Variants in CD180 observed in about 807,000 individuals in gnomAD.
CD180 encodes the protein CD180 molecule, also known as CD180 antigen.
CD180 carries 11 observed loss-of-function variants against 10.7 expected under a neutral mutation model. The ratio of observed to expected loss-of-function variants is 1.03; its 90% CI spans 0.65 to 1.70. The LOEUF (loss-of-function observed/expected upper bound fraction) is 1.70, where lower values mean the gene tolerates loss of function less well. CD180 is among the 40% of genes most tolerant of loss of function. The pLI is 0.00. For missense variants in CD180, 729 were observed against 775.2 expected (o/e 0.94, Z 0.71); for synonymous variants, 286 against 294.6 (o/e 0.97, Z 0.30).
At position 67,196,798 on chromosome 5, in the gene CD180, G is replaced by A. The variant is rs528382361; in HGVS notation, c.-157C>T. ...TGACTGCTCAGCATTCTGTGGCTCT[G>A]TGCTGGAAAAAAAAAAAAAAAAAAA... is the stretch of plus-strand genomic sequence containing the variant. On this transcript the variant is annotated 5_prime_UTR_variant, in exon 1 of 3. Transcript: ENST00000256447. 25 of 331,084 alleles carry A rather than the reference G, an allele frequency of 7.6e-5. No homozygotes were observed. The highest frequency in any genetic ancestry group is 4.2e-4 in the African/African-American group (16 of 38,456). The allele number at this position is 331,084 out of a possible 1,614,324, so 20.5% of individuals were successfully genotyped here. A position where few individuals can be genotyped will look rare whatever the true frequency, so the allele number is the denominator to read the frequency against.
intron 1 of CD180, among the ~76,000 whole-genome samples, chr5:67,192,545 G>A (rs5744481): frequency 0.012 from 1,828 of 152,212 alleles, 29 homozygotes; most frequent in Non-Finnish European, 0.016. Context: ...TACAATCATG[G>A]CAGAAGGCAG....
rs201778641 is a variant in CD180, at chr5:67,183,379, C to A, written c.1464G>T (p.Lys488Asn). ...GNHFQDGTITKTNLLQTVGSL... is the reference protein window; with the variant it reads ...GNHFQDGTITNTNLLQTVGSL... ...TGCCCACGGTCTGAAGTAGGTTGGT[C>A]TTCGTGATAGTCCCATCTTGAAAGT... The change falls in exon 3 of 3, where the codon AAG (lysine) becomes AAT (asparagine). Residue 488 changes from lysine (K) to asparagine (N), a missense_variant. Lys to Asn is a moderately conservative substitution (Grantham distance 94). Coordinates refer to ENST00000256447, the MANE Select transcript of CD180 (RefSeq NM_005582.3). The A allele has an allele frequency of 1.2e-5, 19 of 1,614,168 alleles. No homozygotes were observed. The highest frequency in any genetic ancestry group is 1.6e-5 in the Non-Finnish European group (19 of 1,180,028).
In CD180 at chr5:67,196,571, C is replaced by T. The variant is rs771125523; in HGVS notation, c.71G>A (p.Trp24Ter). 8 of 1,614,016 alleles carry T rather than the reference C, an allele frequency of 5.0e-6. No individual in the cohort carries two copies. The South Asian group carries it at 8.8e-5, about 18-fold the overall frequency. ...ACTCACCTCAATGCACATCTGATCCCAGGAGGTGATGACTTTACAGCCGGC... is the reference window on the plus strand; with the variant it reads ...ACTCACCTCAATGCACATCTGATCCTAGGAGGTGATGACTTTACAGCCGGC... The part of the protein sequence containing the change: ...FSAGCKVITS[W>*]DQMCIEKEAN... The change falls in exon 1 of 3, where the codon TGG becomes TAG. Residue 24 changes from tryptophan (W) to a stop codon, truncating the protein, a stop_gained. Transcript: ENST00000256447. LOFTEE classifies it high-confidence loss of function.
At chr5:67,188,200 A>T (rs1742238590) in intron 1 of CD180, among the ~76,000 whole-genome samples, 2 of 151,906 alleles carry the variant, frequency 1.3e-5, no homozygotes, top group Admixed American at 6.6e-5. Flanking sequence ...GGGGTAAGTT[A>T]GGCCTCCATT....
At position 67,183,930 on chromosome 5, in the gene CD180, G is replaced by C. The variant is rs141855656; in HGVS notation, c.913C>G (p.Leu305Val). 4 of 1,614,174 alleles carry C rather than the reference G, an allele frequency of 2.5e-6. No homozygotes were observed. The Admixed American group carries it at 6.7e-5, about 27-fold the overall frequency. ...AACCCTTTCAAGTGAGTTGCTGTCAGATCCAATTCTTGGAGTTGGGTGAAG... is the reference window on the plus strand; with the variant it reads ...AACCCTTTCAAGTGAGTTGCTGTCACATCCAATTCTTGGAGTTGGGTGAAG... Reference protein sequence around the residue: ...QCFTQLQELDLTATHLKGLPS... With the variant: ...QCFTQLQELDVTATHLKGLPS... The change falls in exon 3 of 3, where the codon CTG (leucine) becomes GTG (valine). Residue 305 changes from leucine (L) to valine (V), a missense_variant. Coordinates refer to ENST00000256447, the MANE Select transcript of CD180 (RefSeq NM_005582.3).
rs1232383082 is a variant in CD180, at chr5:67,183,029, G to A, written c.1814C>T (p.Thr605Ile). The A allele has an allele frequency of 6.2e-7, 1 of 1,614,122 alleles. No homozygotes were observed. The highest frequency in any genetic ancestry group is 8.5e-7 in the Non-Finnish European group (1 of 1,180,006). Residue 605 changes from threonine to isoleucine, a missense_variant, in exon 3 of 3, where the codon ACC becomes ATC. Transcript: ENST00000256447. Reference sequence around the variant, plus strand: ...TAGAGATGGCGGGTTTGCACACGTGGTCTCCTCCGAGCCTTCAAGTTTGTG... The same window carrying A: ...TAGAGATGGCGGGTTTGCACACGTGATCTCCTCCGAGCCTTCAAGTTTGTG... ...NLHKLEGSEE[T>I]TCANPPSLRG... is the part of the protein sequence containing the mutation.
At position 67,184,500 on chromosome 5, in the gene CD180, A is replaced by G; in HGVS notation, c.343T>C (p.Phe115Leu). The part of the protein sequence containing the change: ...TLVLTGNPLI[F>L]MAETSLNGPK... ...CCATTAAGCGATGTTTCTGCCATGA[A>G]TATCAGGGGATTTCCAGTTAACACA... The change falls in exon 3 of 3, where the codon TTC (phenylalanine) becomes CTC (leucine). Residue 115 changes from phenylalanine (F) to leucine (L), a missense_variant. Coordinates refer to ENST00000256447, the MANE Select transcript of CD180 (RefSeq NM_005582.3). 6.2e-7 allele frequency: 1 copy of G among 1,614,072 alleles called. No homozygotes were observed. The highest frequency in any genetic ancestry group is 8.5e-7 in the Non-Finnish European group (1 of 1,179,878).
At chr5:67,190,614 C>T (rs1008711557) in intron 1 of CD180, among the ~76,000 whole-genome samples, 2 of 152,242 alleles carry the variant, frequency 1.3e-5, no homozygotes, top group African/African-American at 2.4e-5. Context: ...GGCAAGGCCA[C>T]GTGGTATTCA....
At position 67,185,967 on chromosome 5, in the gene CD180, G is replaced by T. The variant is rs1200286744; in HGVS notation, c.141C>A (p.Ile47=). 1 of 1,607,318 alleles carries T rather than the reference G, an allele frequency of 6.2e-7. No individual in the cohort carries two copies. Among genetic ancestry groups the T allele is most frequent in the Non-Finnish European group, 8.5e-7 (1 of 1,177,140 alleles). ...YNCENLGLSE[I]PDTLPNTTEF... ...CTGTTGTGTTTGGTAGAGTGTCAGG[G>T]ATTTCACTGAGACCTAAATTTTCAC... Residue 47 remains isoleucine, a synonymous_variant, in exon 2 of 3, where the codon ATC becomes ATA. Transcript: ENST00000256447.
At chr5:67,190,952 C>T in intron 1 of CD180, 1 of 985,420 alleles carries the variant, frequency 1.0e-6, no homozygotes, top group South Asian at 4.7e-5. Flanking sequence ...GATTTCTCAT[C>T]TGCGCTTGAC....
At chr5:67,186,129 T>C in intron 1 of CD180, 112 bp from the exon 2 acceptor site, 1 of 633,504 alleles carries the variant, frequency 1.6e-6, no homozygotes, top group Middle Eastern at 4.6e-4. Context: ...TAGTAATCTT[T>C]ACCAAATATA....
chr5:67,179,686 C>T lies in CD180; in HGVS notation c.*3171G>A, dbSNP rs143953810. 96 of 152,304 alleles carry T rather than the reference C, an allele frequency of 6.3e-4. No individual in the cohort carries two copies. Among genetic ancestry groups the T allele is most frequent in the African/African-American group, 1.9e-3 (78 of 41,552 alleles). 9.4% of individuals were successfully genotyped at this position (152,304 alleles called of 1,614,324 possible). A position where few individuals can be genotyped will look rare whatever the true frequency, so the allele number is the denominator to read the frequency against. On this transcript the variant is annotated 3_prime_UTR_variant, in exon 3 of 3. Transcript: ENST00000256447. ...GAGAGTTGGACAAATAAGAATGGCACGACAGTTTTCTGTCTTGGAATTTTA... is the reference window on the plus strand; with the variant it reads ...GAGAGTTGGACAAATAAGAATGGCATGACAGTTTTCTGTCTTGGAATTTTA...
At chr5:67,193,199 G>A (rs566263119) in intron 1 of CD180, among the ~76,000 whole-genome samples, 1 of 152,130 alleles carries the variant, frequency 6.6e-6, no homozygotes, top group Admixed American at 6.5e-5. Flanking sequence ...TTATTCACAG[G>A]CTTAATAGGG....
rs1352709818 is a variant in CD180 at position 67,184,578 on chromosome 5, T to A, written c.265A>T (p.Ile89Phe). The change falls in exon 3 of 3, where the codon ATT (isoleucine) becomes TTT (phenylalanine). Residue 89 changes from isoleucine to phenylalanine, a missense_variant. By Grantham distance (21) the Ile-to-Phe change is conservative. Coordinates refer to ENST00000256447, the MANE Select transcript of CD180 (RefSeq NM_005582.3). ...AAAGTGTCTTCATGTATCCAGTTAA[T>A]CTGGCACCTTGAAAAGATAATCGTA... is the stretch of plus-strand genomic sequence containing the variant. The part of the protein sequence containing the change: ...LTFLDLTRCQ[I>F]NWIHEDTFQS... 1 of 1,583,058 alleles carries A rather than the reference T, an allele frequency of 6.3e-7. No individual in the cohort carries two copies. The highest frequency in any genetic ancestry group is 8.6e-7 in the Non-Finnish European group (1 of 1,158,730).
intron 1 of CD180, among the ~76,000 whole-genome samples, chr5:67,195,240 AGAGTCTTGCTCTGTCGCCAAGGCTG>A (rs902797207): frequency 3.9e-5 from 6 of 152,178 alleles, no homozygotes; most frequent in African/African-American, 1.4e-4. Context: ...GTTTTAAGAC[AGAGTCTTGCTCTGTCGCCAAGGCTG>A]GAGTGCGGTG....
intron 1 of CD180, 124 bp downstream of exon 1, chr5:67,196,428 T>C (rs930395788): frequency 6.0e-6 from 5 of 832,244 alleles, no homozygotes; most frequent in Admixed American, 2.4e-5. Context: ...AAATTATATA[T>C]ACACCTTATT....
chr5:67,193,464 C>A lies in CD180; in HGVS notation c.90+3088G>T, dbSNP rs76882899. 5.3e-5 allele frequency among the ~76,000 whole-genome samples: 8 copies of A among 152,284 alleles called. No individual in the cohort carries two copies. The East Asian group carries it at 1.5e-3, about 29-fold the overall frequency. ...AAGTTCCATTTTTCTTTGCATCCCCCAGCTCCCTCCCTAGTATCCACACAG... is the reference window on the plus strand; with the variant it reads ...AAGTTCCATTTTTCTTTGCATCCCCAAGCTCCCTCCCTAGTATCCACACAG... On this transcript the variant is annotated intron_variant, in intron 1 of 2. Coordinates refer to ENST00000256447, the MANE Select transcript of CD180 (RefSeq NM_005582.3).
Position 67,182,949 on chromosome 5 carries a change from T to C in CD180, c.1894A>G (p.Ile632Val). The change falls in exon 3 of 3, where the codon ATT becomes GTT. Residue 632 changes from isoleucine to valine, a missense_variant. Coordinates refer to ENST00000256447, the MANE Select transcript of CD180 (RefSeq NM_005582.3). ...AATAGAAATACTATGAGAAAGAAAA[T>C]GCCTATGGCTGTAATCCCACAGGAA... The part of the protein sequence containing the change: ...KLSCGITAIG[I>V]FFLIVFLLLL... 1.2e-6 allele frequency: 2 copies of C among 1,614,050 alleles called. No individual in the cohort carries two copies. The highest frequency in any genetic ancestry group is 1.7e-6 in the Non-Finnish European group (2 of 1,179,984).
rs1380942822 is a variant in CD180 at position 67,183,845 on chromosome 5, A to C, written c.998T>G (p.Phe333Cys). The change falls in exon 3 of 3, where the codon TTC becomes TGC. Residue 333 changes from phenylalanine to cysteine, a missense_variant. Coordinates refer to ENST00000256447, the MANE Select transcript of CD180 (RefSeq NM_005582.3). ...AGCACTGATTTGACACAATTGATCG[A>C]AATGATTTACACTGAGAACTAATTT... ...LKKLVLSVNH[F>C]DQLCQISAAN... is the part of the protein sequence containing the mutation. The C allele has an allele frequency of 1.2e-6, 2 of 1,614,116 alleles. No homozygotes were observed. The highest frequency in any genetic ancestry group is 2.2e-5 in the East Asian group (1 of 44,896).
Sources: gnomAD v4.1 joint callset for allele counts (sites outside exome capture counted in the v4.1 genomes callset) on GRCh38, gnomAD v4.1.1 for gene constraint, MANE v1.5 for transcripts, NCBI Gene and HGNC (gene_info 2026-07-23, HGNC 2026-07-21) for gene names.